PRIMA1: variants seen among roughly 807,000 people sequenced by gnomAD.
The protein encoded by PRIMA1 is proline rich membrane anchor 1.
In PRIMA1, 7 loss-of-function variants were observed where a neutral mutation model predicts 17.5. That is an observed-to-expected ratio of 0.40 (90% CI 0.23 to 0.75). The LOEUF (loss-of-function observed/expected upper bound fraction) is 0.75, where lower values mean the gene tolerates loss of function less well. Among genes scored for constraint, PRIMA1 ranks in the 30% least tolerant of loss-of-function variants. The probability of loss-of-function intolerance (pLI) is 0.37; values close to 1 mark genes in which losing one functional copy is unlikely to be tolerated. For missense variants in PRIMA1, 200 were observed against 201.8 expected (o/e 0.99, Z 0.05); for synonymous variants, 97 against 77.9 (o/e 1.25, Z -1.29).
intron 3 of PRIMA1, among the ~76,000 whole-genome samples, chr14:93,764,175 G>A (rs1305241904): frequency 2.0e-5 from 3 of 151,840 alleles, no homozygotes; most frequent in Admixed American, 6.6e-5. Flanking sequence ...GCAGGCTGCC[G>A]GGCTTGGCCC....
intron 4 of PRIMA1, among the ~76,000 whole-genome samples, chr14:93,734,248 T>G (rs768327139): frequency 1.3e-5 from 2 of 152,222 alleles, no homozygotes; most frequent in Non-Finnish European, 2.9e-5. Flanking sequence ...CCCAACTGCC[T>G]GCTTCACGGG....
chr14:93,772,511 C>A (rs944092266), intron 3 of PRIMA1, among the ~76,000 whole-genome samples: 1 of 152,216 alleles, frequency 6.6e-6, no homozygotes, highest in Non-Finnish European at 1.5e-5. Flanking sequence ...GAGTCACAGG[C>A]GGGGACAGGC....
At position 93,761,592 on chromosome 14, in the gene PRIMA1, C is replaced by T. The variant is rs557171569; in HGVS notation, c.229+17584G>A. On this transcript the variant is annotated intron_variant, in intron 3 of 4. Transcript: ENST00000393140. ...CGTCTTCAAGGGGCTAATTCCTTCT[C>T]CTCCTTCCAATATCAGCCAGCTCAA... Among the ~76,000 whole-genome samples the T allele has an allele frequency of 2.6e-4, 40 of 152,292 alleles. 1 individual carries two copies. The South Asian group carries it at 7.9e-3, about 30-fold the overall frequency.
At chr14:93,778,842 G>T (rs2141193341) in intron 3 of PRIMA1, among the ~76,000 whole-genome samples, 1 of 152,286 alleles carries the variant, frequency 6.6e-6, no homozygotes, top group East Asian at 1.9e-4. Context: ...AGAACTGTGT[G>T]TTGGGGGAGG....
intron 3 of PRIMA1, among the ~76,000 whole-genome samples, chr14:93,759,037 A>C (rs942930713): frequency 1.3e-5 from 2 of 152,246 alleles, no homozygotes; most frequent in African/African-American, 4.8e-5. Context: ...ATCATACAGC[A>C]GTGAAACAGA....
chr14:93,729,080 G>A (rs2076097814), intron 4 of PRIMA1, among the ~76,000 whole-genome samples: 1 of 152,202 alleles, frequency 6.6e-6, no homozygotes, highest in South Asian at 2.1e-4. Flanking sequence ...GCCCCAGACA[G>A]CCTAGAAGGT....
At chr14:93,747,904 AAG>A (rs1477193101) in intron 3 of PRIMA1, among the ~76,000 whole-genome samples, 2 of 63,068 alleles carry the variant, frequency 3.2e-5, no homozygotes, top group African/African-American at 1.2e-4. Context: ...ATGAGTGTGT[AAG>A]AGTGGGGGAC....
At chr14:93,769,952 G>A (rs867484998) in intron 3 of PRIMA1, among the ~76,000 whole-genome samples, 1 of 152,130 alleles carries the variant, frequency 6.6e-6, no homozygotes, top group Non-Finnish European at 1.5e-5. Flanking sequence ...TGAGATCACA[G>A]ATATCAGGAG....
upstream of PRIMA1, chr14:93,788,549 G>C (rs1885598629): frequency 6.6e-6 from 1 of 152,302 alleles, no homozygotes; most frequent in Non-Finnish European, 1.5e-5. Flanking sequence ...CCTCTAGGCG[G>C]GGCCTCCGTC....
chr14:93,755,680 C>T (rs1330111394), intron 3 of PRIMA1, among the ~76,000 whole-genome samples: 1 of 152,200 alleles, frequency 6.6e-6, no homozygotes, highest in Non-Finnish European at 1.5e-5. Flanking sequence ...TTCCAGAACA[C>T]ACCCAGACAA....
At chr14:93,754,120 C>T (rs530350209) in intron 3 of PRIMA1, among the ~76,000 whole-genome samples, 35 of 152,130 alleles carry the variant, frequency 2.3e-4, no homozygotes, top group Non-Finnish European at 4.7e-4. Flanking sequence ...TTAATAAAAA[C>T]GTGATGATAA....
rs1381521560 is a variant in PRIMA1 at position 93,721,376 on chromosome 14, C to T, written c.*68G>A. ...CAAGCTCAGGGTTAGCTCATGTCCA[C>T]CTGCTTTCCCATGTCCACCAGTGCC... On this transcript the variant is annotated 3_prime_UTR_variant, in exon 5 of 5. Transcript: ENST00000393140. 1.4e-5 allele frequency: 14 copies of T among 1,035,992 alleles called. No individual in the cohort carries two copies. The South Asian group carries it at 1.6e-4, about 12-fold the overall frequency. 64.2% of individuals were successfully genotyped at this position (1,035,992 alleles called of 1,614,324 possible).
chr14:93,759,403 C>G (rs189625467), intron 3 of PRIMA1, among the ~76,000 whole-genome samples: 2 of 152,180 alleles, frequency 1.3e-5, no homozygotes, highest in Non-Finnish European at 2.9e-5. Flanking sequence ...CTGAAAACCA[C>G]TGGTGGGATA....
chr14:93,747,387 C>A (rs539809865), intron 3 of PRIMA1, among the ~76,000 whole-genome samples: 1 of 152,120 alleles, frequency 6.6e-6, no homozygotes, highest in Non-Finnish European at 1.5e-5. Context: ...GGGAGGAAGC[C>A]GGATTCGGGG....
At chr14:93,782,410 G>A (rs1166125968) in intron 2 of PRIMA1, among the ~76,000 whole-genome samples, 2 of 152,180 alleles carry the variant, frequency 1.3e-5, no homozygotes, top group Non-Finnish European at 2.9e-5. Context: ...TTTGAGCCCA[G>A]GGGTTCAACA....
At chr14:93,725,241 CA>C (rs2076067264) in intron 4 of PRIMA1, among the ~76,000 whole-genome samples, 1 of 152,094 alleles carries the variant, frequency 6.6e-6, no homozygotes. Context: ...GTAAGGGCCC[CA>C]GACAGGAGCA....
chr14:93,745,795 G>T (rs986072196), intron 3 of PRIMA1, among the ~76,000 whole-genome samples: 1 of 152,238 alleles, frequency 6.6e-6, no homozygotes, highest in Non-Finnish European at 1.5e-5. Flanking sequence ...TTATCCACAC[G>T]GGCTTTGAAT....
intron 3 of PRIMA1, among the ~76,000 whole-genome samples, chr14:93,748,318 C>T (rs2076239059): frequency 6.6e-6 from 1 of 152,016 alleles, no homozygotes; most frequent in Non-Finnish European, 1.5e-5. Context: ...ACAGTCTGGC[C>T]CCAGGGCCAA....
chr14:93,769,047 T>G (rs12891890), intron 3 of PRIMA1, among the ~76,000 whole-genome samples: 991 of 5,074 alleles, frequency 0.2, 18 homozygotes, highest in African/African-American at 0.29. Flanking sequence ...TTTTTAAAAG[T>G]CCAGCCATTC....
Sources: gnomAD v4.1 joint callset for allele counts (sites outside exome capture counted in the v4.1 genomes callset) on GRCh38, gnomAD v4.1.1 for gene constraint, MANE v1.5 for transcripts, NCBI Gene and HGNC (gene_info 2026-07-23, HGNC 2026-07-21) for gene names.